STK38: variants seen among roughly 807,000 people sequenced by gnomAD.
The protein encoded by STK38 is serine/threonine kinase 38.
STK38 carries 26 observed loss-of-function variants against 59.0 expected under a neutral mutation model. The observed-to-expected ratio is 0.44, with a 90% CI of 0.32 to 0.61. The LOEUF (loss-of-function observed/expected upper bound fraction) is 0.61. Ranked by LOEUF, STK38 falls within the 20% of genes least tolerant of loss-of-function variation. STK38 has a pLI of 0.04. For missense variants in STK38, 433 were observed against 566.0 expected, an observed-to-expected ratio of 0.76 and a Z score of 2.38; for synonymous variants, 175 against 176.6, an observed-to-expected ratio of 0.99 and a Z score of 0.07.
At chr6:36,505,664 G>A (rs1338947199) in intron 9 of STK38, among the ~76,000 whole-genome samples, 1 of 152,104 alleles carries the variant, frequency 6.6e-6, no homozygotes, top group African/African-American at 2.4e-5. Flanking sequence ...GTGGGCAAAC[G>A]GAAGTGCTAC....
At position 36,514,345 on chromosome 6, in the gene STK38, A is replaced by G. The variant is rs1012689206; in HGVS notation, c.669+993T>C. On this transcript the variant is annotated intron_variant, in intron 7 of 13. Transcript: ENST00000229812. ...AAAAACAACTTCAGGTTTTTCAAGG[A>G]CAGCAAAGCAAAAAAGTCACCAAAA... Among the ~76,000 whole-genome samples the G allele has an allele frequency of 7.9e-5, 12 of 151,860 alleles. 1 individual carries two copies. In the South Asian group the frequency reaches 2.1e-3, roughly 26 times the overall value.
intron 2 of STK38, among the ~76,000 whole-genome samples, chr6:36,536,084 A>T (rs974157876): frequency 1.3e-5 from 2 of 152,232 alleles, no homozygotes; most frequent in South Asian, 2.1e-4. Flanking sequence ...AGACTGGCTA[A>T]GGACAGACAA....
chr6:36,496,789 T>C lies in STK38; in HGVS notation c.1189A>G (p.Ile397Val), dbSNP rs1467394320. Residue 397 changes from isoleucine to valine, a missense_variant, in exon 13 of 14, where the codon ATA (isoleucine) becomes GTA (valine). By Grantham distance (29) the Ile-to-Val change is conservative. Coordinates refer to ENST00000229812, the MANE Select transcript of STK38 (RefSeq NM_007271.4). Reference protein sequence around the residue: ...WEHIRERPAAISIEIKSIDDT... With the variant: ...WEHIRERPAAVSIEIKSIDDT... ...TCAATGCTTTTGATTTCAATAGATA[T>C]TGCAGCAGGTCTCTCTCTGCCAAGA... 1 of 1,612,742 alleles carries C rather than the reference T, an allele frequency of 6.2e-7. No individual in the cohort carries two copies. The highest frequency in any genetic ancestry group is 1.3e-5 in the African/African-American group (1 of 74,890).
At chr6:36,544,698 C>T (rs551777610) in intron 1 of STK38, among the ~76,000 whole-genome samples, 3 of 152,188 alleles carry the variant, frequency 2.0e-5, no homozygotes, top group African/African-American at 2.4e-5. Context: ...GCAAAACCCC[C>T]GTTGCTACAA....
intron 7 of STK38, among the ~76,000 whole-genome samples, chr6:36,511,874 C>A (rs945085582): frequency 2.6e-5 from 4 of 151,746 alleles, no homozygotes; most frequent in Non-Finnish European, 5.9e-5. Context: ...GTCTGGCCAA[C>A]AGGGTGAAAC....
intron 2 of STK38, among the ~76,000 whole-genome samples, chr6:36,526,220 GTTTTTTT>G (rs60509165): frequency 7.7e-6 from 1 of 130,470 alleles, no homozygotes; most frequent in African/African-American, 2.7e-5. Context: ...GGTTTTGGGT[GTTTTTTT>G]TTTTTTTTTT....
chr6:36,513,883 T>C (rs1458699143), intron 7 of STK38, among the ~76,000 whole-genome samples: 5 of 141,136 alleles, frequency 3.5e-5, no homozygotes, highest in African/African-American at 2.6e-5. Context: ...AGGCCAGGCT[T>C]GGTGGCTCAC....
At chr6:36,539,778 G>A (rs1205999920) in intron 2 of STK38, among the ~76,000 whole-genome samples, 1 of 138,660 alleles carries the variant, frequency 7.2e-6, no homozygotes, top group African/African-American at 2.7e-5. Flanking sequence ...AAGATACAGA[G>A]TCTCAGTGTT....
chr6:36,545,625 A>G (rs937806632), intron 1 of STK38, among the ~76,000 whole-genome samples: 5 of 152,198 alleles, frequency 3.3e-5, no homozygotes, highest in African/African-American at 1.2e-4. Flanking sequence ...TGTAATTAAT[A>G]TTGCCCTATA....
chr6:36,523,341 C>A (rs1004221351), intron 4 of STK38, among the ~76,000 whole-genome samples: 1 of 147,966 alleles, frequency 6.8e-6, no homozygotes. Context: ...CGGCTCACTG[C>A]AACCTCTGCC....
chr6:36,509,346 A>G (rs552652788), intron 7 of STK38, among the ~76,000 whole-genome samples: 1 of 152,322 alleles, frequency 6.6e-6, no homozygotes, highest in South Asian at 2.1e-4. Flanking sequence ...AGACGCAGGC[A>G]GGTCATCCCA....
At chr6:36,515,222 C>G in intron 7 of STK38, 116 bp downstream of exon 7, 1 of 1,211,248 alleles carries the variant, frequency 8.3e-7, no homozygotes, top group South Asian at 1.9e-5. Context: ...AAAGGAAAAT[C>G]ATGACAAGGC....
At chr6:36,507,957 A>G (rs929479759) in intron 7 of STK38, among the ~76,000 whole-genome samples, 9 of 120,036 alleles carry the variant, frequency 7.5e-5, no homozygotes, top group African/African-American at 2.4e-4. Flanking sequence ...TTTTTGAGAC[A>G]TGGTCTTGCT....
chr6:36,499,802 CA>C, intron 10 of STK38, 70 bp downstream of exon 10: 1 of 1,239,004 alleles, frequency 8.1e-7, no homozygotes, highest in Non-Finnish European at 1.2e-6. Context: ...CCAATTGAAA[CA>C]GAGGCTGGTA....
intron 2 of STK38, among the ~76,000 whole-genome samples, chr6:36,535,380 C>T (rs141909476): frequency 3.2e-3 from 484 of 151,540 alleles, no homozygotes; most frequent in African/African-American, 0.011. Context: ...ACATGGGAGG[C>T]GGAGGTTGTA....
intron 2 of STK38, among the ~76,000 whole-genome samples, chr6:36,533,023 G>A (rs906306882): frequency 1.4e-5 from 2 of 145,182 alleles, no homozygotes; most frequent in South Asian, 4.3e-4. Context: ...CCAAGATGGC[G>A]CCACTGCCCT....
intron 9 of STK38, among the ~76,000 whole-genome samples, chr6:36,506,044 G>T (rs939609667): frequency 1.1e-4 from 16 of 151,942 alleles, no homozygotes; most frequent in African/African-American, 3.9e-4. Flanking sequence ...TTTTATATAG[G>T]CACAAAGTCA....
intron 5 of STK38, among the ~76,000 whole-genome samples, chr6:36,519,564 A>G (rs542926390): frequency 6.6e-6 from 1 of 152,318 alleles, no homozygotes; most frequent in East Asian, 1.9e-4. Context: ...AGCTACCATG[A>G]GCACACCTTG....
chr6:36,514,155 A>T (rs1413927334), intron 7 of STK38, among the ~76,000 whole-genome samples: 1 of 69,004 alleles, frequency 1.4e-5, no homozygotes, highest in Non-Finnish European at 2.7e-5. Context: ...ACTCCGTCTC[A>T]AAAAAAAAAA....
Sources: gnomAD v4.1 joint callset for allele counts (sites outside exome capture counted in the v4.1 genomes callset) on GRCh38, gnomAD v4.1.1 for gene constraint, MANE v1.5 for transcripts, NCBI Gene and HGNC (gene_info 2026-07-23, HGNC 2026-07-21) for gene names.